KAZN: variants seen among roughly 807,000 people sequenced by gnomAD.
KAZN encodes kazrin.
KAZN carries 40 observed loss-of-function variants against 87.4 expected under a neutral mutation model. That is an observed-to-expected ratio of 0.46 (90% CI 0.36 to 0.60). The LOEUF (loss-of-function observed/expected upper bound fraction) is 0.60. Among genes scored for constraint, KAZN ranks in the 20% least tolerant of loss-of-function variants. The pLI, the probability that KAZN is intolerant of heterozygous loss-of-function variation, is 0.00. For synonymous variants in KAZN, 466 were observed against 458.3 expected, an observed-to-expected ratio of 1.02 and a Z score of -0.22; for missense variants, 898 against 1,073.9, an observed-to-expected ratio of 0.84 and a Z score of 2.29.
At chr1:14,428,009 C>G (rs1385166224) in intron 2 of KAZN, among the ~76,000 whole-genome samples, 1 of 152,160 alleles carries the variant, frequency 6.6e-6, no homozygotes, top group Non-Finnish European at 1.5e-5. Context: ...GTTGCTTGAG[C>G]TGGAATCCAT....
chr1:14,176,107 A>G (rs1646069592), intron 1 of KAZN, among the ~76,000 whole-genome samples: 1 of 152,234 alleles, frequency 6.6e-6, no homozygotes, highest in Non-Finnish European at 1.5e-5. Flanking sequence ...ATTTCCACTT[A>G]GGGTAACTCA....
chr1:14,762,333 G>A (rs989932203), intron 1 of KAZN, among the ~76,000 whole-genome samples: 1 of 152,196 alleles, frequency 6.6e-6, no homozygotes, highest in Admixed American at 6.5e-5. Context: ...TTTGGTAGTA[G>A]CCATGAAGGA....
chr1:14,015,220 C>T (rs368543866), intron 1 of KAZN, among the ~76,000 whole-genome samples: 29 of 152,054 alleles, frequency 1.9e-4, no homozygotes, highest in African/African-American at 4.3e-4. Flanking sequence ...TAGAGAAAAA[C>T]GCATTTTGAA....
intron 1 of KAZN, among the ~76,000 whole-genome samples, chr1:14,872,764 A>G (rs764747113): frequency 2.0e-5 from 3 of 152,300 alleles, no homozygotes; most frequent in Admixed American, 1.3e-4. Flanking sequence ...GGATGGATGG[A>G]CAAGTGGACA....
intron 2 of KAZN, among the ~76,000 whole-genome samples, chr1:14,370,749 A>G (rs1048505827): frequency 6.6e-6 from 1 of 152,156 alleles, no homozygotes; most frequent in Non-Finnish European, 1.5e-5. Flanking sequence ...TGGAGTTGAG[A>G]TCATGGCTCA....
chr1:14,345,355 G>A (rs1355635081), intron 2 of KAZN, among the ~76,000 whole-genome samples: 2 of 150,636 alleles, frequency 1.3e-5, no homozygotes, highest in Non-Finnish European at 2.9e-5. Flanking sequence ...TGATTCAGAA[G>A]GTCAGAGAGA....
intron 2 of KAZN, among the ~76,000 whole-genome samples, chr1:14,292,895 C>T (rs1408386283): frequency 6.6e-6 from 1 of 152,200 alleles, no homozygotes; most frequent in Non-Finnish European, 1.5e-5. Flanking sequence ...AGTAAAACTG[C>T]AGGCAGCTTA....
intron 1 of KAZN, among the ~76,000 whole-genome samples, chr1:14,943,932 G>T (rs537322952): frequency 6.6e-6 from 1 of 152,292 alleles, no homozygotes; most frequent in African/African-American, 2.4e-5. Flanking sequence ...TAATTAGCCG[G>T]GCGTGGTGGC....
chr1:14,792,615 GCAGAGGGAA>G, intron 1 of KAZN, among the ~76,000 whole-genome samples: 1 of 152,226 alleles, frequency 6.6e-6, no homozygotes, highest in Non-Finnish European at 1.5e-5. Context: ...GGTGTGCCAA[GCAGAGGGAA>G]CAGCACAAGG....
chr1:14,758,169 C>T (rs1035937312), intron 1 of KAZN, among the ~76,000 whole-genome samples: 1 of 151,802 alleles, frequency 6.6e-6, no homozygotes, highest in Non-Finnish European at 1.5e-5. Flanking sequence ...CTCCCTCCCT[C>T]CATTCCTTCC....
chr1:14,991,771 C>A (rs959358291), intron 2 of KAZN, among the ~76,000 whole-genome samples: 85 of 152,308 alleles, frequency 5.6e-4, no homozygotes, highest in Non-Finnish European at 1.6e-4. Flanking sequence ...CAGATTCCGC[C>A]CTGGACCGCC....
rs115237625 is a variant in KAZN at position 14,163,853 on chromosome 1, G to A, written c.92-16582G>A. Among the ~76,000 whole-genome samples the A allele has an allele frequency of 3.1e-3, 470 of 152,212 alleles. 7 individuals are homozygous for A. The highest frequency in any genetic ancestry group is 0.01 in the African/African-American group (431 of 41,522). ...GGCAATAGTATTGTTAAATTCTGCC[G>A]TTACGTAGCAAGAACCTTCTGTCCT... On this transcript the variant is annotated intron_variant, in intron 1 of 16. Transcript: ENST00000636203.
intron 1 of KAZN, among the ~76,000 whole-genome samples, chr1:14,661,766 A>G (rs761802067): frequency 3.9e-5 from 6 of 152,100 alleles, no homozygotes; most frequent in Non-Finnish European, 8.8e-5. Context: ...AAATGTAAAA[A>G]TTAGCTGAGC....
chr1:14,078,106 A>G (rs1343262089), intron 1 of KAZN, among the ~76,000 whole-genome samples: 1 of 152,220 alleles, frequency 6.6e-6, no homozygotes, highest in Non-Finnish European at 1.5e-5. Flanking sequence ...GGGTTCATGT[A>G]TTCTTGCACC....
At chr1:14,924,525 G>A in intron 1 of KAZN, 2 of 1,009,434 alleles carry the variant, frequency 2.0e-6, no homozygotes, top group Non-Finnish European at 2.4e-6. Flanking sequence ...GATCGGCCCC[G>A]CGCCGGGGTT....
chr1:13,931,201 G>T (rs1031165874), intron 1 of KAZN, among the ~76,000 whole-genome samples: 1 of 152,176 alleles, frequency 6.6e-6, no homozygotes, highest in Admixed American at 6.5e-5. Flanking sequence ...AAAATCTAAG[G>T]AAATGATAGT....
At chr1:14,592,318 C>T (rs1284149837) in intron 2 of KAZN, among the ~76,000 whole-genome samples, 1 of 152,158 alleles carries the variant, frequency 6.6e-6, no homozygotes, top group Non-Finnish European at 1.5e-5. Flanking sequence ...GAGCAGGAAG[C>T]TCTCACAGCC....
At chr1:15,032,953 A>AG (rs923964138) in intron 2 of KAZN, among the ~76,000 whole-genome samples, 1 of 152,168 alleles carries the variant, frequency 6.6e-6, no homozygotes, top group Non-Finnish European at 1.5e-5. Flanking sequence ...TGTCTAAAAA[A>AG]AAAGGAAAAG....
intron 1 of KAZN, among the ~76,000 whole-genome samples, chr1:14,699,980 T>A (rs1256744079): frequency 1.3e-5 from 2 of 152,100 alleles, no homozygotes; most frequent in African/African-American, 2.4e-5. Flanking sequence ...AAATTGCACG[T>A]GCAAAGGCTG....
Sources: gnomAD v4.1 joint callset for allele counts (sites outside exome capture counted in the v4.1 genomes callset) on GRCh38, gnomAD v4.1.1 for gene constraint, MANE v1.5 for transcripts, NCBI Gene and HGNC (gene_info 2026-07-23, HGNC 2026-07-21) for gene names.